Variants in MTUS2 observed in about 807,000 individuals in gnomAD.
MTUS2 encodes the protein microtubule associated scaffold protein 2.
Under a neutral mutation model 114.1 loss-of-function variants are expected in MTUS2, and 40 were observed. That is an observed-to-expected ratio of 0.35 (90% CI 0.27 to 0.46). The LOEUF (loss-of-function observed/expected upper bound fraction) is 0.46. Among genes scored for constraint, MTUS2 ranks in the 20% least tolerant of loss-of-function variants. The pLI, the probability that MTUS2 is intolerant of heterozygous loss-of-function variation, is 1.00. For synonymous variants in MTUS2, 688 were observed against 672.0 expected (o/e 1.02, Z -0.37); for missense variants, 1,679 against 1,705.4 (o/e 0.98, Z 0.27).
intron 2 of MTUS2, among the ~76,000 whole-genome samples, chr13:28,892,302 G>C (rs1442192533): frequency 6.6e-6 from 1 of 152,112 alleles, no homozygotes; most frequent in Non-Finnish European, 1.5e-5. Flanking sequence ...GGTATAGGAA[G>C]GCTTCCTGGG....
chr13:28,900,951 A>T (rs1358737094), intron 2 of MTUS2, among the ~76,000 whole-genome samples: 2 of 152,200 alleles, frequency 1.3e-5, no homozygotes, highest in Admixed American at 6.5e-5. Context: ...CTAGGCTTTT[A>T]AAAAAGTGCC....
At chr13:28,904,118 T>C (rs534986639) in intron 2 of MTUS2, among the ~76,000 whole-genome samples, 2 of 152,332 alleles carry the variant, frequency 1.3e-5, no homozygotes, top group South Asian at 4.1e-4. Flanking sequence ...TTTGTTTTTT[T>C]CTTGTAAATT....
At chr13:29,349,386 A>G (rs1869026417) in intron 7 of MTUS2, among the ~76,000 whole-genome samples, 2 of 152,120 alleles carry the variant, frequency 1.3e-5, no homozygotes, top group Non-Finnish European at 2.9e-5. Context: ...CCTATAATAC[A>G]TTGTTATTAT....
chr13:29,279,591 C>T lies in MTUS2; in HGVS notation c.2645-2113C>T, dbSNP rs375465585. ...TAATGCATCTTTAATTACCAGCCAA[C>T]TTAAGCCAGTTTTCAAAGAGTGGAA... On this transcript the variant is annotated intron_variant, in intron 5 of 15. Transcript: ENST00000612955. Among the ~76,000 whole-genome samples, 14 of 152,314 alleles carry T rather than the reference C, an allele frequency of 9.2e-5. No individual in the cohort carries two copies. The East Asian group carries it at 2.7e-3, about 29-fold the overall frequency.
chr13:29,051,484 C>T (rs761147113), intron 4 of MTUS2, among the ~76,000 whole-genome samples: 4 of 152,104 alleles, frequency 2.6e-5, no homozygotes, highest in African/African-American at 4.8e-5. Context: ...TTGAAATCTG[C>T]GTCTCACTAG....
At chr13:29,270,493 G>A (rs1375225845) in intron 5 of MTUS2, among the ~76,000 whole-genome samples, 1 of 152,210 alleles carries the variant, frequency 6.6e-6, no homozygotes, top group Non-Finnish European at 1.5e-5. Context: ...AAGCAGTTCA[G>A]CAGAGAGAAG....
At chr13:28,822,703 T>A (rs1050098773) in intron 1 of MTUS2, among the ~76,000 whole-genome samples, 3 of 111,000 alleles carry the variant, frequency 2.7e-5, no homozygotes, top group Non-Finnish European at 6.2e-5. Context: ...ATTTTTTTTT[T>A]AAATAAGGAG....
rs568764244 is a variant in MTUS2, at chr13:29,404,423, A to T, written c.3118-35560A>T. Among the ~76,000 whole-genome samples the T allele has an allele frequency of 4.6e-4, 70 of 152,298 alleles. 3 individuals carry two copies. In the South Asian group the frequency reaches 0.014, roughly 30 times the overall value. ...GTAATCCCAGCTACTCGAGAGGCTG[A>T]GGCAGGAAAATGGCTTGATGCAGCT... On this transcript the variant is annotated intron_variant, in intron 8 of 15. Transcript: ENST00000612955.
At chr13:29,123,040 C>A (rs933919586) in intron 5 of MTUS2, among the ~76,000 whole-genome samples, 15 of 152,130 alleles carry the variant, frequency 9.9e-5, no homozygotes, top group African/African-American at 3.6e-4. Flanking sequence ...TGGTAAAGAG[C>A]AAAATTTAAA....
chr13:28,847,852 C>T (rs1488430455), intron 2 of MTUS2, among the ~76,000 whole-genome samples: 2 of 152,048 alleles, frequency 1.3e-5, no homozygotes, highest in Non-Finnish European at 1.5e-5. Context: ...AGCCTCTGGG[C>T]GCCAACGTTA....
intron 8 of MTUS2, among the ~76,000 whole-genome samples, chr13:29,395,077 G>A (rs1222911596): frequency 6.6e-6 from 1 of 152,148 alleles, no homozygotes; most frequent in African/African-American, 2.4e-5. Flanking sequence ...TATATTTTGG[G>A]ATAAAATACT....
chr13:29,071,963 G>C (rs1451907711), intron 4 of MTUS2: 1 of 152,382 alleles, frequency 6.6e-6, no homozygotes, highest in African/African-American at 2.4e-5. Context: ...TATAGTTCCT[G>C]CCTCATTTCT....
At position 29,365,288 on chromosome 13, in the gene MTUS2, T is replaced by C. The variant is rs572630031; in HGVS notation, c.3117+5815T>C. On this transcript the variant is annotated intron_variant, in intron 8 of 15. Transcript: ENST00000612955. ...GTGGTGTCAGTTGTGCAAAACATCATGGTCAGTGGAAAATGAAACTCAGAA... is the reference window on the plus strand; with the variant it reads ...GTGGTGTCAGTTGTGCAAAACATCACGGTCAGTGGAAAATGAAACTCAGAA... Among the ~76,000 whole-genome samples the C allele has an allele frequency of 6.6e-5, 10 of 152,308 alleles. No individual in the cohort carries two copies. In the East Asian group the frequency reaches 1.2e-3, roughly 18 times the overall value.
At chr13:29,075,165 G>T (rs9508260) in intron 4 of MTUS2, among the ~76,000 whole-genome samples, 27,313 of 152,058 alleles carry the variant, frequency 0.18, 2,852 homozygotes, top group Non-Finnish European at 0.24. Context: ...GGTTCATCCA[G>T]TTTACACCAT....
chr13:29,460,803 G>T (rs1466277547), intron 9 of MTUS2, among the ~76,000 whole-genome samples: 1 of 151,926 alleles, frequency 6.6e-6, no homozygotes, highest in Non-Finnish European at 1.5e-5. Context: ...GTGAGATCAG[G>T]GGATAGACTG....
chr13:28,929,225 C>T (rs149157066), intron 2 of MTUS2, among the ~76,000 whole-genome samples: 1 of 152,104 alleles, frequency 6.6e-6, no homozygotes, highest in East Asian at 1.9e-4. Context: ...ACAGTTAGCT[C>T]AAAGAAATAA....
At chr13:28,956,992 G>T (rs529692780) in intron 2 of MTUS2, among the ~76,000 whole-genome samples, 1 of 152,092 alleles carries the variant, frequency 6.6e-6, no homozygotes, top group East Asian at 1.9e-4. Flanking sequence ...GTGAGCTGGC[G>T]GGAAGGAAGT....
In MTUS2 at chr13:29,222,901, C is replaced by T. The variant is rs531397266; in HGVS notation, c.2645-58803C>T. On this transcript the variant is annotated intron_variant, in intron 5 of 15. Transcript: ENST00000612955. ...CAGCTAGGTGTGCACACACTCAGGA[C>T]ATCACCAACATGCCAGCTCTGAGCT... Among the ~76,000 whole-genome samples the T allele has an allele frequency of 2.5e-3, 377 of 152,358 alleles. 3 individuals carry two copies. The highest frequency in any genetic ancestry group is 4.2e-3 in the Non-Finnish European group (283 of 68,040).
At chr13:29,279,819 A>C (rs1898199350) in intron 5 of MTUS2, among the ~76,000 whole-genome samples, 1 of 152,224 alleles carries the variant, frequency 6.6e-6, no homozygotes, top group African/African-American at 2.4e-5. Flanking sequence ...ATTTCATGTA[A>C]GAGAATGATG....
Sources: allele counts gnomAD v4.1 joint callset (sites outside exome capture counted in the v4.1 genomes callset), GRCh38; gene constraint gnomAD v4.1.1; transcripts MANE v1.5; gene names NCBI Gene and HGNC (gene_info 2026-07-23, HGNC 2026-07-21).